PCGF3: variants seen among roughly 807,000 people sequenced by gnomAD.
The protein encoded by PCGF3 is polycomb group RING finger protein 3.
Under a neutral mutation model 33.1 loss-of-function variants are expected in PCGF3, and 7 were observed. That is an observed-to-expected ratio of 0.21 (90% CI 0.12 to 0.40). The LOEUF (loss-of-function observed/expected upper bound fraction) is 0.40, where lower values mean the gene tolerates loss of function less well. Ranked by LOEUF, PCGF3 falls within the 10% of genes least tolerant of loss-of-function variation. PCGF3 has a pLI of 1.00. For missense variants in PCGF3, 211 were observed against 313.3 expected, an observed-to-expected ratio of 0.67 and a Z score of 2.46; for synonymous variants, 153 against 121.3, an observed-to-expected ratio of 1.26 and a Z score of -1.72.
At position 731,026 on chromosome 4, in the gene PCGF3, A is replaced by C. The variant is rs111340811; in HGVS notation, c.-94A>C. 1.1e-3 allele frequency: 425 copies of C among 398,578 alleles called. No individual in the cohort carries two copies. In the Middle Eastern group the frequency reaches 0.014, roughly 14 times the overall value. The allele number at this position is 398,578 out of a possible 1,614,324, so 24.7% of individuals were successfully genotyped here. A position where few individuals can be genotyped will look rare whatever the true frequency, so the allele number is the denominator to read the frequency against. On this transcript the variant is annotated 5_prime_UTR_variant, in exon 3 of 11. Transcript: ENST00000362003. Reference sequence around the variant, plus strand: ...GGTGCAGAAGCGAGTCCGCGTGCGGAGCCAGGAGGCAGCGTCGCGTGGGAG... The same window carrying C: ...GGTGCAGAAGCGAGTCCGCGTGCGGCGCCAGGAGGCAGCGTCGCGTGGGAG...
Position 758,811 on chromosome 4 carries a change from TTG to T in PCGF3, c.463-2467_463-2466del, listed in dbSNP as rs1387857904. Among the ~76,000 whole-genome samples, 141 of 22,020 alleles carry T rather than the reference TTG, an allele frequency of 6.4e-3. 12 individuals carry two copies. Among genetic ancestry groups the T allele is most frequent in the Non-Finnish European group, 0.012 (99 of 8,536 alleles). 14.4% of individuals were successfully genotyped at this position (22,020 alleles called of 152,430 possible). On this transcript the variant is annotated intron_variant, in intron 8 of 10. Transcript: ENST00000362003. Reference sequence around the variant, plus strand: ...GCGCGGCCCCTCTCCCGAGCTCTTCTTGCTCCGGACTCCGGGTCTTTCTCCCC... The same window carrying T: ...GCGCGGCCCCTCTCCCGAGCTCTTCTCTCCGGACTCCGGGTCTTTCTCCCC...
intron 1 of PCGF3, among the ~76,000 whole-genome samples, chr4:710,632 A>C (rs1742523643): frequency 6.6e-6 from 1 of 152,226 alleles, no homozygotes; most frequent in African/African-American, 2.4e-5. Context: ...GGTTTCTCCG[A>C]TGTCACCGTC....
In PCGF3 at chr4:734,041, C is replaced by T. The variant is rs1194942198; in HGVS notation, c.109+252C>T. 5 of 1,550,578 alleles carry T rather than the reference C, an allele frequency of 3.2e-6. No homozygotes were observed. The African/African-American group carries it at 6.8e-5, about 21-fold the overall frequency. On this transcript the variant is annotated intron_variant, in intron 4 of 10. Coordinates refer to ENST00000362003, the Ensembl canonical transcript of PCGF3. ...ACACAGGAGAGACCCCACATTCCTC[C>T]CACGGAGCAGCAAGGCCAGTAGCCG...
chr4:730,420 T>C (rs1743503573), intron 1 of PCGF3, among the ~76,000 whole-genome samples: 1 of 152,080 alleles, frequency 6.6e-6, no homozygotes. Context: ...CTCCGATGCC[T>C]TGGGCCTGGG....
chr4:766,044 C>T (rs759942169), exon 11 of PCGF3: 1 of 1,614,146 alleles, frequency 6.2e-7, no homozygotes, highest in South Asian at 1.1e-5. Context: ...GGCGCCGCTC[C>T]TGCTGCACTA....
intron 8 of PCGF3, among the ~76,000 whole-genome samples, chr4:747,913 C>T (rs1016242801): frequency 6.6e-6 from 1 of 151,882 alleles, no homozygotes; most frequent in African/African-American, 2.4e-5. Flanking sequence ...GGAACACGTG[C>T]TTAGGGTAAA....
intron 8 of PCGF3, among the ~76,000 whole-genome samples, chr4:753,255 C>T (rs554171658): frequency 1.3e-5 from 2 of 152,366 alleles, no homozygotes; most frequent in South Asian, 2.1e-4. Flanking sequence ...GCAATCTCAG[C>T]TCCCTGCAGC....
At chr4:726,618 C>T (rs753047179) in intron 1 of PCGF3, among the ~76,000 whole-genome samples, 4 of 152,178 alleles carry the variant, frequency 2.6e-5, no homozygotes, top group Non-Finnish European at 5.9e-5. Flanking sequence ...CATGACGATA[C>T]CCTCCTTAGC....
At chr4:709,821 G>C (rs1037960749) in intron 1 of PCGF3, among the ~76,000 whole-genome samples, 1 of 152,216 alleles carries the variant, frequency 6.6e-6, no homozygotes, top group African/African-American at 2.4e-5. Flanking sequence ...CAGCCACGTC[G>C]TGTCCCTGCG....
At chr4:758,608 A>G (rs1744896370) in intron 8 of PCGF3, among the ~76,000 whole-genome samples, 1 of 116,280 alleles carries the variant, frequency 8.6e-6, no homozygotes, top group Non-Finnish European at 1.7e-5. Flanking sequence ...CTCCATCCCG[A>G]CTCCAGTTCT....
intron 7 of PCGF3, 133 bp from the exon 8 acceptor site, chr4:744,467 G>C: frequency 2.9e-6 from 2 of 687,948 alleles, no homozygotes; most frequent in Non-Finnish European, 5.0e-6. Context: ...TTCCTTTGAC[G>C]CTTACTCCGC....
chr4:716,573 C>T (rs376308051), intron 1 of PCGF3, among the ~76,000 whole-genome samples: 3 of 111,558 alleles, frequency 2.7e-5, no homozygotes, highest in South Asian at 3.2e-4. Context: ...AACTGGGCGT[C>T]GGTGCTGGGA....
chr4:754,009 C>T (rs902248631), intron 8 of PCGF3, among the ~76,000 whole-genome samples: 2 of 152,174 alleles, frequency 1.3e-5, no homozygotes, highest in African/African-American at 2.4e-5. Flanking sequence ...TGGGTCCTGG[C>T]AGGAGTCGCC....
At chr4:733,608 C>T (rs1419471186) in intron 3 of PCGF3, 64 bp from the exon 4 acceptor site, 2 of 1,505,108 alleles carry the variant, frequency 1.3e-6, no homozygotes, top group Non-Finnish European at 8.9e-7. Flanking sequence ...GCTGTCAGAG[C>T]TCAGCCAAGG....
chr4:748,988 C>T (rs778681744), intron 8 of PCGF3, among the ~76,000 whole-genome samples: 5 of 151,988 alleles, frequency 3.3e-5, no homozygotes, highest in Admixed American at 6.6e-5. Flanking sequence ...TTCCATGGAT[C>T]GATGTAAAGC....
At position 742,315 on chromosome 4, in the gene PCGF3, C is replaced by T. The variant is rs190336959; in HGVS notation, c.263-1159C>T. Among the ~76,000 whole-genome samples the T allele has an allele frequency of 3.0e-3, 461 of 152,326 alleles. 4 individuals carry two copies. The highest frequency in any genetic ancestry group is 0.011 in the African/African-American group (440 of 41,578). On this transcript the variant is annotated intron_variant, in intron 6 of 10. Coordinates refer to ENST00000362003, the Ensembl canonical transcript of PCGF3. ...CTCGTTGCCTCACGCGGGCATTGGT[C>T]CCTGCACGGTTGGTGTTTGTGAGGC...
rs567777489 is a variant in PCGF3, at chr4:738,866, T to A, written c.262+1345T>A. On this transcript the variant is annotated intron_variant, in intron 6 of 10. Transcript: ENST00000362003. ...AGAGCAAGACTCCGTCTCAAAAAAATAAATAAATAAATAAAGTGTGCACTG... is the reference window on the plus strand; with the variant it reads ...AGAGCAAGACTCCGTCTCAAAAAAAAAAATAAATAAATAAAGTGTGCACTG... Among the ~76,000 whole-genome samples the A allele has an allele frequency of 3.1e-3, 423 of 135,234 alleles. 2 individuals are homozygous for A. In the Middle Eastern group the frequency reaches 0.033, roughly 11 times the overall value. 88.7% of individuals were successfully genotyped at this position (135,234 alleles called of 152,430 possible). A position where few individuals can be genotyped will look rare whatever the true frequency, so the allele number is the denominator to read the frequency against.
intron 1 of PCGF3, among the ~76,000 whole-genome samples, chr4:712,924 C>T (rs1189133504): frequency 6.6e-6 from 1 of 152,212 alleles, no homozygotes; most frequent in East Asian, 1.9e-4. Context: ...CTTGAAACTC[C>T]CTCTAATCAG....
At chr4:757,223 G>A (rs1744806753) in intron 8 of PCGF3, 1 of 151,862 alleles carries the variant, frequency 6.6e-6, no homozygotes, top group African/African-American at 2.4e-5. Context: ...GTGCATGCAG[G>A]CCCGCGTTCA....
Sources: gnomAD v4.1 joint callset for allele counts (sites outside exome capture counted in the v4.1 genomes callset) on GRCh38, gnomAD v4.1.1 for gene constraint, MANE v1.5 for transcripts, NCBI Gene and HGNC (gene_info 2026-07-23, HGNC 2026-07-21) for gene names.